The following CNTNAP5 variants were observed in gnomAD, a reference collection of about 807,000 sequenced individuals.
The protein encoded by CNTNAP5 is contactin-associated protein-like 5.
CNTNAP5 carries 72 observed loss-of-function variants against 150.2 expected under a neutral mutation model. The ratio of observed to expected loss-of-function variants is 0.48; its 90% confidence interval spans 0.40 to 0.58. The LOEUF (loss-of-function observed/expected upper bound fraction) is 0.58. CNTNAP5 is among the 20% of genes least tolerant of loss of function. The pLI is 0.00. For synonymous variants in CNTNAP5, 672 were observed against 619.8 expected, an observed-to-expected ratio of 1.08 and a Z score of -1.25; for missense variants, 1,636 against 1,626.2, an observed-to-expected ratio of 1.01 and a Z score of -0.10.
At chr2:124,856,511 A>AT (rs67908018) in intron 19 of CNTNAP5, among the ~76,000 whole-genome samples, 10,334 of 151,880 alleles carry the variant, frequency 0.068, 1,082 homozygotes, top group African/African-American at 0.23. Flanking sequence ...TTATTTTTTG[A>AT]TTTTTTGATT....
intron 1 of CNTNAP5, among the ~76,000 whole-genome samples, chr2:124,122,480 G>A (rs1301098981): frequency 6.6e-6 from 1 of 152,128 alleles, no homozygotes; most frequent in Non-Finnish European, 1.5e-5. Flanking sequence ...AGGCCCAAGA[G>A]AGCAATTTCT....
At chr2:124,561,502 TAGAATTTGA>T (rs1307559176) in intron 10 of CNTNAP5, among the ~76,000 whole-genome samples, 1 of 151,946 alleles carries the variant, frequency 6.6e-6, no homozygotes, top group Non-Finnish European at 1.5e-5. Flanking sequence ...AAAGGAAAGG[TAGAATTTGA>T]ACAGAGAGAG....
chr2:124,712,269 G>A (rs534683918), intron 13 of CNTNAP5, among the ~76,000 whole-genome samples: 2 of 152,288 alleles, frequency 1.3e-5, no homozygotes, highest in South Asian at 4.1e-4. Flanking sequence ...ATCTGAGCAG[G>A]CCAGATGCTG....
At chr2:124,273,516 G>A (rs1573883138) in intron 3 of CNTNAP5, among the ~76,000 whole-genome samples, 1 of 152,210 alleles carries the variant, frequency 6.6e-6, no homozygotes, top group East Asian at 1.9e-4. Flanking sequence ...TACAATTAGA[G>A]TTTCAGACCA....
intron 10 of CNTNAP5, among the ~76,000 whole-genome samples, chr2:124,528,004 C>T (rs544132401): frequency 6.0e-4 from 91 of 152,266 alleles, no homozygotes; most frequent in African/African-American, 1.6e-3. Flanking sequence ...CCCCTGGGAT[C>T]TGGCTCTTCT....
chr2:124,817,804 A>G (rs1028878275), intron 19 of CNTNAP5, among the ~76,000 whole-genome samples: 1 of 152,146 alleles, frequency 6.6e-6, no homozygotes, highest in Admixed American at 6.6e-5. Flanking sequence ...CTGACTAGGC[A>G]CCTATGTTAT....
chr2:124,539,540 A>T (rs1695327189), intron 10 of CNTNAP5, among the ~76,000 whole-genome samples: 1 of 152,220 alleles, frequency 6.6e-6, no homozygotes, highest in Admixed American at 6.5e-5. Context: ...GACACAATGA[A>T]TATGTCACTT....
At chr2:124,122,759 G>GACAC (rs66540981) in intron 1 of CNTNAP5, among the ~76,000 whole-genome samples, 2,522 of 127,736 alleles carry the variant, frequency 0.02, 19 homozygotes, top group Middle Eastern at 0.054. Context: ...GGTGGTAAAA[G>GACAC]ACACACACAC....
intron 1 of CNTNAP5, among the ~76,000 whole-genome samples, chr2:124,210,870 T>C (rs1031139453): frequency 2.0e-5 from 3 of 152,150 alleles, no homozygotes; most frequent in African/African-American, 7.2e-5. Context: ...ATAAATTATA[T>C]ATATGAACTT....
chr2:124,749,265 A>G (rs1465501977), intron 14 of CNTNAP5, among the ~76,000 whole-genome samples: 1 of 152,108 alleles, frequency 6.6e-6, no homozygotes, highest in Non-Finnish European at 1.5e-5. Flanking sequence ...GTATAGTCAA[A>G]GAAACAGATA....
chr2:124,783,799 A>G (rs906362617), intron 17 of CNTNAP5, among the ~76,000 whole-genome samples: 7 of 152,140 alleles, frequency 4.6e-5, no homozygotes, highest in African/African-American at 1.7e-4. Flanking sequence ...CATCCAGTTA[A>G]TACTACCAGT....
intron 21 of CNTNAP5, among the ~76,000 whole-genome samples, chr2:124,892,442 A>G (rs866605888): frequency 2.0e-5 from 3 of 152,144 alleles, no homozygotes; most frequent in Non-Finnish European, 4.4e-5. Flanking sequence ...TTTGAGCTCC[A>G]TTATACTGGC....
chr2:124,097,255 C>T (rs1682958459), intron 1 of CNTNAP5, among the ~76,000 whole-genome samples: 1 of 152,130 alleles, frequency 6.6e-6, no homozygotes, highest in African/African-American at 2.4e-5. Flanking sequence ...CTAATGAAGG[C>T]TTTGGATGGG....
rs142776197 is a variant in CNTNAP5, at chr2:124,226,300, C to T, written c.187+4491C>T. ...CCTTCTTTATAAAGAGCCATCCTAACGGGTGTGAGGTGACGTCTCATTGTG... is the reference window on the plus strand; with the variant it reads ...CCTTCTTTATAAAGAGCCATCCTAATGGGTGTGAGGTGACGTCTCATTGTG... On this transcript the variant is annotated intron_variant, in intron 2 of 23. Coordinates refer to ENST00000682447, the MANE Select transcript of CNTNAP5 (RefSeq NM_001367498.1). Among the ~76,000 whole-genome samples the T allele has an allele frequency of 1.6e-3, 249 of 152,160 alleles. 2 individuals are homozygous for T. Among genetic ancestry groups the T allele is most frequent in the African/African-American group, 5.2e-3 (216 of 41,532 alleles).
chr2:124,283,292 C>T (rs550518588), intron 3 of CNTNAP5, among the ~76,000 whole-genome samples: 3 of 152,110 alleles, frequency 2.0e-5, no homozygotes, highest in Non-Finnish European at 2.9e-5. Flanking sequence ...GGAACTGCTC[C>T]TCAGGACACA....
intron 17 of CNTNAP5, among the ~76,000 whole-genome samples, chr2:124,782,820 C>T (rs988896499): frequency 1.9e-4 from 29 of 152,210 alleles, no homozygotes; most frequent in Admixed American, 1.1e-3. Flanking sequence ...CCTAGGTATA[C>T]ATCAACAGAA....
At chr2:124,604,084 A>AC (rs1313468089) in intron 11 of CNTNAP5, among the ~76,000 whole-genome samples, 2 of 152,270 alleles carry the variant, frequency 1.3e-5, no homozygotes, top group Non-Finnish European at 2.9e-5. Context: ...TTATTTAGAG[A>AC]CAACTCTCTG....
rs893482082 is a variant in CNTNAP5, at chr2:124,899,643, CAG to C, written c.3437-3238_3437-3237del. ...GTAGAAAATCTTGGGAAAAATGAAACAGGGAACACTGGTATTTTTCAGTGGTG... is the reference window on the plus strand; with the variant it reads ...GTAGAAAATCTTGGGAAAAATGAAACGGAACACTGGTATTTTTCAGTGGTG... On this transcript the variant is annotated intron_variant, in intron 21 of 23. Transcript: ENST00000682447. 4.7e-4 allele frequency among the ~76,000 whole-genome samples: 71 copies of C among 151,264 alleles called. 4 individuals carry two copies. Among genetic ancestry groups the C allele is most frequent in the African/African-American group, 1.6e-3 (67 of 40,802 alleles).
chr2:124,737,757 C>T (rs560890122), intron 13 of CNTNAP5, among the ~76,000 whole-genome samples: 4 of 152,194 alleles, frequency 2.6e-5, no homozygotes, highest in South Asian at 2.1e-4. Context: ...TAATTACCCA[C>T]GGAAGAGATC....
Sources: gnomAD v4.1 joint callset for allele counts (sites outside exome capture counted in the v4.1 genomes callset) on GRCh38, gnomAD v4.1.1 for gene constraint, MANE v1.5 for transcripts, NCBI Gene and HGNC (gene_info 2026-07-23, HGNC 2026-07-21) for gene names.